ADGRL2: variants seen among roughly 807,000 people sequenced by gnomAD.
The protein encoded by ADGRL2 is adhesion G protein-coupled receptor L2.
In ADGRL2, 44 loss-of-function variants were observed where a neutral mutation model predicts 157.4. The ratio of observed to expected loss-of-function variants is 0.28; its 90% CI spans 0.22 to 0.36. ADGRL2 has a LOEUF of 0.36. Among genes scored for constraint, ADGRL2 ranks in the 10% least tolerant of loss-of-function variants. The pLI, the probability that ADGRL2 is intolerant of heterozygous loss-of-function variation, is 1.00. For missense variants in ADGRL2, 1,510 were observed against 1,768.9 expected (o/e 0.85, Z 2.63); for synonymous variants, 585 against 624.7 (o/e 0.94, Z 0.95).
intron 1 of ADGRL2, among the ~76,000 whole-genome samples, chr1:81,354,911 A>C (rs1457853332): frequency 6.6e-6 from 1 of 152,184 alleles, no homozygotes; most frequent in African/African-American, 2.4e-5. Flanking sequence ...CTGCCTCACA[A>C]ATACAACGTT....
chr1:81,987,808 T>C (rs1193719687), intron 22 of ADGRL2, 61 bp from the exon 23 acceptor site: 1 of 270,664 alleles, frequency 3.7e-6, no homozygotes. Flanking sequence ...TTTTTTAATG[T>C]AACTGCAGCT....
At chr1:81,673,432 T>C (rs1336909738) in intron 3 of ADGRL2, among the ~76,000 whole-genome samples, 1 of 152,044 alleles carries the variant, frequency 6.6e-6, no homozygotes, top group Admixed American at 6.6e-5. Context: ...TTTGCTAATA[T>C]GGTTTGTGTA....
At chr1:81,468,664 C>T (rs1436142746) in intron 2 of ADGRL2, among the ~76,000 whole-genome samples, 1 of 152,154 alleles carries the variant, frequency 6.6e-6, no homozygotes, top group Non-Finnish European at 1.5e-5. Context: ...AAATTCAATA[C>T]CCTGTGCACG....
chr1:81,579,967 A>G (rs1256314963), intron 2 of ADGRL2, among the ~76,000 whole-genome samples: 1 of 152,196 alleles, frequency 6.6e-6, no homozygotes, highest in East Asian at 1.9e-4. Context: ...TAAGCATGGA[A>G]AGAATATAAT....
chr1:81,799,046 T>C (rs990439546), upstream of ADGRL2, among the ~76,000 whole-genome samples: 5 of 152,176 alleles, frequency 3.3e-5, no homozygotes, highest in Non-Finnish European at 5.9e-5. Context: ...AATTTTATAT[T>C]CCTAAGAAGA....
chr1:81,722,929 T>G, intron 1 of ADGRL2: 1 of 746,104 alleles, frequency 1.3e-6, no homozygotes, highest in South Asian at 1.4e-5. Flanking sequence ...ATCTAGAGGT[T>G]CTTGCAGACA....
At chr1:81,971,039 A>T (rs1382289581) in intron 16 of ADGRL2, among the ~76,000 whole-genome samples, 1 of 152,158 alleles carries the variant, frequency 6.6e-6, no homozygotes, top group African/African-American at 2.4e-5. Context: ...TCGTTCATAA[A>T]AGTATAGATA....
At chr1:81,376,226 C>T (rs572365187) in intron 1 of ADGRL2, among the ~76,000 whole-genome samples, 1 of 152,322 alleles carries the variant, frequency 6.6e-6, no homozygotes, top group South Asian at 2.1e-4. Flanking sequence ...TATTGCTAAC[C>T]TGTTCCAGAG....
intron 3 of ADGRL2, 26 bp from the exon 4 acceptor site, chr1:81,936,702 C>T (rs201880573): frequency 1.7e-6 from 2 of 1,209,604 alleles, no homozygotes; most frequent in South Asian, 1.3e-5. Flanking sequence ...TTATGTTACA[C>T]AAGTTTGATA....
chr1:81,649,184 C>T (rs1385401335), intron 3 of ADGRL2, among the ~76,000 whole-genome samples: 1 of 152,180 alleles, frequency 6.6e-6, no homozygotes, highest in Non-Finnish European at 1.5e-5. Flanking sequence ...GCCCTAAGGC[C>T]TCTACCATCC....
chr1:81,929,639 A>G (rs1307149255), intron 3 of ADGRL2, among the ~76,000 whole-genome samples: 2 of 152,188 alleles, frequency 1.3e-5, no homozygotes, highest in Non-Finnish European at 2.9e-5. Flanking sequence ...GCATTGTACA[A>G]TTCAAGATTA....
At chr1:81,902,670 T>C (rs2094508563) in intron 2 of ADGRL2, among the ~76,000 whole-genome samples, 2 of 190 alleles carry the variant, frequency 0.011, no homozygotes, top group African/African-American at 0.048. Context: ...TTAAGGATAG[T>C]CAGACTGTGT....
Position 81,669,673 on chromosome 1 carries a change from TG to T in ADGRL2, c.-143+88695del, listed in dbSNP as rs1201957224. On this transcript the variant is annotated intron_variant, in intron 3 of 24. Coordinates refer to the ADGRL2 transcript ENST00000370721. ...AAAGAGGACACCTGGCTGGGTGTGG[TG>T]GTGCACACCTGTAATCCCAGCACTT... Among the ~76,000 whole-genome samples, 54 of 152,004 alleles carry T rather than the reference TG, an allele frequency of 3.6e-4. 1 individual carries two copies. The highest frequency in any genetic ancestry group is 3.5e-3 in the Admixed American group (54 of 15,284).
At chr1:81,673,668 C>T (rs370248572) in intron 3 of ADGRL2, among the ~76,000 whole-genome samples, 1 of 151,984 alleles carries the variant, frequency 6.6e-6, no homozygotes, top group South Asian at 2.1e-4. Flanking sequence ...GCGCCCACCA[C>T]CACGCCCAGC....
At chr1:81,875,964 A>G (rs2093828808) in intron 2 of ADGRL2, among the ~76,000 whole-genome samples, 1 of 152,198 alleles carries the variant, frequency 6.6e-6, no homozygotes, top group South Asian at 2.1e-4. Context: ...GTGCATAAGG[A>G]GAATACTGTA....
chr1:81,740,962 T>G (rs537360028), intron 1 of ADGRL2, among the ~76,000 whole-genome samples: 1 of 152,150 alleles, frequency 6.6e-6, no homozygotes, highest in African/African-American at 2.4e-5. Context: ...AAGGATTCTA[T>G]TACCATAGGA....
At chr1:81,605,590 T>C (rs1387764411) in intron 3 of ADGRL2, among the ~76,000 whole-genome samples, 1 of 152,208 alleles carries the variant, frequency 6.6e-6, no homozygotes, top group Non-Finnish European at 1.5e-5. Flanking sequence ...GTACCTCAAG[T>C]AGACCACTGT....
chr1:81,352,921 G>A (rs1381324533), intron 1 of ADGRL2, among the ~76,000 whole-genome samples: 1 of 152,012 alleles, frequency 6.6e-6, no homozygotes, highest in East Asian at 1.9e-4. Context: ...TTTGGGAATG[G>A]GATAGAAAAA....
At chr1:81,563,400 G>T (rs1253905374) in intron 2 of ADGRL2, among the ~76,000 whole-genome samples, 1 of 152,038 alleles carries the variant, frequency 6.6e-6, no homozygotes, top group Non-Finnish European at 1.5e-5. Flanking sequence ...CAACATTTGG[G>T]GTTAATTACC....
Sources: allele counts gnomAD v4.1 joint callset (sites outside exome capture counted in the v4.1 genomes callset), GRCh38; gene constraint gnomAD v4.1.1; transcripts MANE v1.5; gene names NCBI Gene and HGNC (gene_info 2026-07-23, HGNC 2026-07-21).